The following SAMD12 variants were observed in gnomAD, a reference collection of about 807,000 sequenced individuals.
SAMD12 encodes sterile alpha motif domain containing 12.
Under a neutral mutation model 15.0 loss-of-function variants are expected in SAMD12, and 9 were observed. The ratio of observed to expected loss-of-function variants is 0.60; its 90% CI spans 0.36 to 1.05. The LOEUF (loss-of-function observed/expected upper bound fraction) is 1.05. Among genes scored for constraint, SAMD12 ranks in the 50% least tolerant of loss-of-function variants. SAMD12 has a pLI of 0.01. For synonymous variants in SAMD12, 86 were observed against 90.1 expected (o/e 0.96, Z 0.25); for missense variants, 230 against 234.2 (o/e 0.98, Z 0.12).
chr8:118,376,594 G>A (rs756758249), downstream of SAMD12, among the ~76,000 whole-genome samples: 24 of 152,006 alleles, frequency 1.6e-4, no homozygotes, highest in Non-Finnish European at 2.9e-4. Flanking sequence ...TTTTGTTACC[G>A]CAGCCTGAAC....
chr8:118,469,471 A>G (rs1347537950), intron 2 of SAMD12, among the ~76,000 whole-genome samples: 1 of 87,176 alleles, frequency 1.1e-5, no homozygotes, highest in African/African-American at 4.0e-5. Context: ...ACATTTATAC[A>G]GATAAGCATG....
chr8:118,620,963 A>T (rs888391600), intron 1 of SAMD12: 1 of 152,064 alleles, frequency 6.6e-6, no homozygotes, highest in African/African-American at 2.4e-5. Context: ...TCCGGTCCAC[A>T]GTTTTTTTTT....
At chr8:118,334,218 G>C (rs1233783391) in intron 4 of SAMD12, among the ~76,000 whole-genome samples, 1 of 152,104 alleles carries the variant, frequency 6.6e-6, no homozygotes, top group African/African-American at 2.4e-5. Flanking sequence ...TGAGCATCAG[G>C]CACCAATCGG....
intron 4 of SAMD12, among the ~76,000 whole-genome samples, chr8:118,252,124 T>G (rs150274434): frequency 6.6e-6 from 1 of 152,326 alleles, no homozygotes; most frequent in Non-Finnish European, 1.5e-5. Context: ...AGATTTGTCC[T>G]TCTAGAATCC....
rs73318040 is a variant in SAMD12, at chr8:118,219,874, C to T, written c.434-22142G>A. Among the ~76,000 whole-genome samples, 782 of 152,246 alleles carry T rather than the reference C, an allele frequency of 5.1e-3. 6 individuals are homozygous for T. The highest frequency in any genetic ancestry group is 0.018 in the African/African-American group (741 of 41,558). On this transcript the variant is annotated intron_variant, in intron 4 of 4. Transcript: ENST00000409003. ...GAGAGTTGCTCAGCTGAGCTCTGCC[C>T]CAACGTGCAACTCTCAACATTGTGA...
chr8:118,427,439 C>A (rs1228263009), intron 3 of SAMD12, among the ~76,000 whole-genome samples: 1 of 152,118 alleles, frequency 6.6e-6, no homozygotes, highest in Non-Finnish European at 1.5e-5. Context: ...TCCTTCATTC[C>A]CCTTTACAGT....
At chr8:118,501,280 G>C (rs1314919846) in intron 2 of SAMD12, among the ~76,000 whole-genome samples, 1 of 152,054 alleles carries the variant, frequency 6.6e-6, no homozygotes, top group Non-Finnish European at 1.5e-5. Context: ...ACAATTGCCT[G>C]GGAAGCCTTC....
intron 2 of SAMD12, among the ~76,000 whole-genome samples, chr8:118,502,453 T>C (rs574518818): frequency 1.3e-5 from 2 of 152,350 alleles, no homozygotes; most frequent in Non-Finnish European, 1.5e-5. Flanking sequence ...AAAAATCATT[T>C]ACAATTATTT....
At chr8:118,526,637 G>A (rs1223043044) in intron 2 of SAMD12, among the ~76,000 whole-genome samples, 2 of 152,148 alleles carry the variant, frequency 1.3e-5, no homozygotes, top group East Asian at 3.9e-4. Flanking sequence ...CCAGAAGAGT[G>A]CTGTTCATAC....
chr8:118,482,217 C>T (rs1403573725), intron 2 of SAMD12, among the ~76,000 whole-genome samples: 1 of 152,140 alleles, frequency 6.6e-6, no homozygotes, highest in East Asian at 1.9e-4. Flanking sequence ...GCAGGTCAGA[C>T]CCTTGATATA....
At chr8:118,391,896 G>A (rs1269946615) in intron 3 of SAMD12, among the ~76,000 whole-genome samples, 1 of 151,602 alleles carries the variant, frequency 6.6e-6, no homozygotes, top group Non-Finnish European at 1.5e-5. Context: ...AAACTCTGTA[G>A]CCATGACCAT....
chr8:118,265,367 C>A (rs1586399899), intron 4 of SAMD12, among the ~76,000 whole-genome samples: 1 of 152,038 alleles, frequency 6.6e-6, no homozygotes, highest in Non-Finnish European at 1.5e-5. Context: ...AATGGCAAGA[C>A]ATACTGTTGA....
intron 2 of SAMD12, among the ~76,000 whole-genome samples, chr8:118,451,970 T>C (rs1355801361): frequency 6.6e-6 from 1 of 152,168 alleles, no homozygotes; most frequent in African/African-American, 2.4e-5. Flanking sequence ...TCCCAACTTG[T>C]ATTCCAAGAC....
chr8:118,143,399 G>A, the SAMD12 span, among the ~76,000 whole-genome samples: 4 of 152,312 alleles, frequency 2.6e-5, no homozygotes, highest in Admixed American at 2.6e-4. Flanking sequence ...TGAAGAAATT[G>A]AGGCATAAAT....
intron 3 of SAMD12, among the ~76,000 whole-genome samples, chr8:118,426,756 G>C (rs1822247256): frequency 6.6e-6 from 1 of 152,098 alleles, no homozygotes; most frequent in South Asian, 2.1e-4. Context: ...GAAAATGGGA[G>C]AAATAAAAAT....
chr8:118,244,146 C>A (rs1812634461), intron 4 of SAMD12, among the ~76,000 whole-genome samples: 1 of 152,124 alleles, frequency 6.6e-6, no homozygotes, highest in Admixed American at 6.6e-5. Flanking sequence ...TTACTTCAAC[C>A]AGCAGCCATT....
At chr8:118,431,717 T>TGTGC (rs1554662052) in intron 3 of SAMD12, among the ~76,000 whole-genome samples, 53 of 150,502 alleles carry the variant, frequency 3.5e-4, no homozygotes, top group South Asian at 2.5e-3. Context: ...TGTGTGTGTG[T>TGTGC]GTGTGTGTGT....
intron 4 of SAMD12, among the ~76,000 whole-genome samples, chr8:118,368,518 C>T (rs77247477): frequency 0.012 from 1,830 of 152,176 alleles, 31 homozygotes; most frequent in African/African-American, 0.04. Flanking sequence ...GAGCCCTTGC[C>T]ATTGTCTTTA....
At chr8:118,232,495 T>A (rs909136995) in intron 4 of SAMD12, among the ~76,000 whole-genome samples, 9 of 151,696 alleles carry the variant, frequency 5.9e-5, no homozygotes, top group African/African-American at 1.9e-4. Flanking sequence ...GTAAGGGAGA[T>A]TGTTGGAGGG....
Sources: allele counts gnomAD v4.1 joint callset (sites outside exome capture counted in the v4.1 genomes callset), GRCh38; gene constraint gnomAD v4.1.1; transcripts MANE v1.5; gene names NCBI Gene and HGNC (gene_info 2026-07-23, HGNC 2026-07-21).